The following MTMR14 variants were observed in gnomAD, a reference collection of about 807,000 sequenced individuals.
MTMR14 encodes the protein myotubularin related protein 14.
MTMR14 carries 48 observed loss-of-function variants against 86.3 expected under a neutral mutation model. The observed-to-expected ratio is 0.56, with a 90% CI of 0.44 to 0.71. The LOEUF is 0.71. Ranked by LOEUF, MTMR14 falls within the 30% of genes least tolerant of loss-of-function variation. MTMR14 has a pLI of 0.00. For synonymous variants in MTMR14, 366 were observed against 326.1 expected, an observed-to-expected ratio of 1.12 and a Z score of -1.32; for missense variants, 780 against 834.6, an observed-to-expected ratio of 0.93 and a Z score of 0.81.
chr3:9,696,160 G>A (rs1339428079), intron 17 of MTMR14, among the ~76,000 whole-genome samples: 2 of 152,168 alleles, frequency 1.3e-5, no homozygotes, highest in African/African-American at 2.4e-5. Flanking sequence ...TGGTCCCAAG[G>A]TGGTTCTGTT....
rs548769595 is a variant in MTMR14, at chr3:9,679,567, C to T, written c.897+1509C>T. ...TGCCTCTTTAGGAAGGGGTCCTGTG[C>T]GTGTGAGGAGGTACTCTGCTTAGTA... On this transcript the variant is annotated intron_variant, in intron 9 of 18. Coordinates refer to ENST00000296003, the MANE Select transcript of MTMR14 (RefSeq NM_001077525.3). Among the ~76,000 whole-genome samples, 9 of 152,258 alleles carry T rather than the reference C, an allele frequency of 5.9e-5. No homozygotes were observed. The South Asian group carries it at 1.2e-3, about 21-fold the overall frequency.
At chr3:9,685,109 C>A in intron 12 of MTMR14, 102 bp from the exon 13 acceptor site, 8 of 1,539,814 alleles carry the variant, frequency 5.2e-6, no homozygotes, top group Non-Finnish European at 7.2e-6. Flanking sequence ...GCCCCACCTG[C>A]CACGCTGGTG....
chr3:9,661,615 C>T (rs1163422284), intron 2 of MTMR14, among the ~76,000 whole-genome samples: 1 of 152,092 alleles, frequency 6.6e-6, no homozygotes, highest in African/African-American at 2.4e-5. Flanking sequence ...CAGAGAGGGT[C>T]CCTAGGGCAC....
rs544986685 is a variant in MTMR14 at position 9,656,201 on chromosome 3, T to TA, written c.308+2442dup. On this transcript the variant is annotated intron_variant, in intron 2 of 18. Transcript: ENST00000296003. ...AGGGTGAGACTCCATCTCAAAAAAA[T>TA]AAAAAAAAAAGAGTGCCCATTTCAC... is the stretch of plus-strand genomic sequence containing the variant. Among the ~76,000 whole-genome samples the TA allele has an allele frequency of 2.7e-3, 391 of 144,800 alleles. 1 individual carries two copies. The highest frequency in any genetic ancestry group is 4.5e-3 in the Non-Finnish European group (295 of 65,512). 95.0% of individuals were successfully genotyped at this position (144,800 alleles called of 152,430 possible). A position where few individuals can be genotyped will look rare whatever the true frequency, so the allele number is the denominator to read the frequency against.
chr3:9,698,035 G>A (rs1260087382), intron 18 of MTMR14, among the ~76,000 whole-genome samples, 169 bp downstream of exon 18: 1 of 152,242 alleles, frequency 6.6e-6, no homozygotes, highest in Middle Eastern at 3.2e-3. Context: ...CCTGTGGCTG[G>A]TCAGGAAGTG....
chr3:9,668,556 G>A (rs1444915526), intron 3 of MTMR14, among the ~76,000 whole-genome samples, 163 bp from the exon 4 acceptor site: 2 of 152,210 alleles, frequency 1.3e-5, no homozygotes, highest in African/African-American at 2.4e-5. Flanking sequence ...AAGTACTAGG[G>A]ATCTTCTGAC....
At chr3:9,672,276 TCA>T (rs1300748460) in intron 6 of MTMR14, among the ~76,000 whole-genome samples, 1 of 152,214 alleles carries the variant, frequency 6.6e-6, no homozygotes, top group Non-Finnish European at 1.5e-5. Context: ...CCTCACCCTG[TCA>T]CCCTGGCTGG....
chr3:9,693,236 A>G (rs1239074657), intron 17 of MTMR14, among the ~76,000 whole-genome samples: 3 of 152,236 alleles, frequency 2.0e-5, no homozygotes, highest in Non-Finnish European at 4.4e-5. Context: ...AACATAAACA[A>G]TAGAAAGTAA....
intron 2 of MTMR14, among the ~76,000 whole-genome samples, chr3:9,654,775 G>A (rs550923395): frequency 6.6e-6 from 1 of 152,212 alleles, no homozygotes; most frequent in African/African-American, 2.4e-5. Context: ...TGTTAGAAAC[G>A]CAGAAGCTCA....
rs1436114834 is a variant in MTMR14, at chr3:9,701,601, A to G, written c.1770-189A>G. ...AACAGTAGCCTGAGGGCTTAGAGGAATGGTTTAAGGGAAAACAGGGCCAGA... is the reference window on the plus strand; with the variant it reads ...AACAGTAGCCTGAGGGCTTAGAGGAGTGGTTTAAGGGAAAACAGGGCCAGA... On this transcript the variant is annotated intron_variant, in intron 18 of 18. Coordinates refer to ENST00000296003, the MANE Select transcript of MTMR14 (RefSeq NM_001077525.3). This position sits in a 1 kb window ranked among gnomAD's most constrained non-coding sequence, Gnocchi z 4.2. 1.4e-6 allele frequency: 1 copy of G among 690,156 alleles called. No homozygotes were observed. The highest frequency in any genetic ancestry group is 2.5e-6 in the Non-Finnish European group (1 of 393,022). 42.8% of individuals were successfully genotyped at this position (690,156 alleles called of 1,614,324 possible). A position where few individuals can be genotyped will look rare whatever the true frequency, so the allele number is the denominator to read the frequency against.
intron 1 of MTMR14, chr3:9,650,265 C>T (rs557048922): frequency 2.2e-6 from 1 of 455,508 alleles, no homozygotes. Flanking sequence ...CACTCCCTTT[C>T]AGTTCCTTTA....
At chr3:9,662,212 C>T (rs1048934493) in intron 2 of MTMR14, 55 bp from the exon 3 acceptor site, 1 of 1,358,966 alleles carries the variant, frequency 7.4e-7, no homozygotes, top group Non-Finnish European at 1.1e-6. Context: ...AACACATATA[C>T]ACAAAGTGCC....
chr3:9,650,550 T>C (rs2047220615), intron 1 of MTMR14: 1 of 347,266 alleles, frequency 2.9e-6, no homozygotes, highest in Non-Finnish European at 5.9e-6. Flanking sequence ...ATTCTGTAGT[T>C]GGCATCTTGT....
intron 15 of MTMR14, 54 bp from the exon 16 acceptor site, chr3:9,688,890 G>T (rs1401376588): frequency 6.2e-7 from 1 of 1,613,212 alleles, no homozygotes; most frequent in African/African-American, 1.3e-5. Flanking sequence ...AAAAGGTGGG[G>T]GACCAGTAGT....
intron 9 of MTMR14, among the ~76,000 whole-genome samples, chr3:9,682,050 C>G (rs1414327419): frequency 1.3e-5 from 2 of 152,230 alleles, no homozygotes; most frequent in African/African-American, 4.8e-5. Context: ...GCTCACTGGG[C>G]TTGGTACAGT....
At chr3:9,691,403 C>T (rs1431917079) in intron 17 of MTMR14, among the ~76,000 whole-genome samples, 1 of 152,244 alleles carries the variant, frequency 6.6e-6, no homozygotes, top group East Asian at 1.9e-4. Flanking sequence ...CAGCTGTCCT[C>T]AGGGCCACTC....
At chr3:9,695,076 C>T (rs914421613) in intron 17 of MTMR14, among the ~76,000 whole-genome samples, 1 of 152,186 alleles carries the variant, frequency 6.6e-6, no homozygotes, top group African/African-American at 2.4e-5. Flanking sequence ...GCTTGGATCC[C>T]TCTGTTTGCT....
chr3:9,688,310 T>C (rs1399211213), intron 14 of MTMR14, among the ~76,000 whole-genome samples: 1 of 152,196 alleles, frequency 6.6e-6, no homozygotes, highest in African/African-American at 2.4e-5. Context: ...AGGGCAGAAG[T>C]CTGCTTCCGG....
At chr3:9,687,679 T>G in intron 13 of MTMR14, 142 bp from the exon 14 acceptor site, 2 of 712,104 alleles carry the variant, frequency 2.8e-6, no homozygotes, top group Non-Finnish European at 5.0e-6. Context: ...ACCCACACCA[T>G]TTATGGACCA....
Sources: allele counts gnomAD v4.1 joint callset (sites outside exome capture counted in the v4.1 genomes callset), GRCh38; gene constraint gnomAD v4.1.1; non-coding constraint Gnocchi (gnomAD v3.1); transcripts MANE v1.5; gene names NCBI Gene and HGNC (gene_info 2026-07-23, HGNC 2026-07-21).